The following HYDIN variants were observed in gnomAD, a reference collection of about 807,000 sequenced individuals.
HYDIN encodes HYDIN axonemal central pair apparatus protein.
In HYDIN, 132 loss-of-function variants were observed where a neutral mutation model predicts 403.9. The observed-to-expected ratio is 0.33, with a 90% CI of 0.28 to 0.38. The LOEUF is 0.38. Ranked by LOEUF, HYDIN falls within the 10% of genes least tolerant of loss-of-function variation. The probability of loss-of-function intolerance (pLI) is 1.00; values close to 1 mark genes in which losing one functional copy is unlikely to be tolerated. For synonymous variants in HYDIN, 1,202 were observed against 1,891.7 expected (o/e 0.64, Z 9.46); for missense variants, 2,827 against 5,009.5 (o/e 0.56, Z 13.15).
At chr16:71,154,924 T>C (rs1281771757) in intron 6 of HYDIN, among the ~76,000 whole-genome samples, 4 of 134,728 alleles carry the variant, frequency 3.0e-5, no homozygotes, top group African/African-American at 1.2e-4. Flanking sequence ...AAGGGGTTGA[T>C]ATAGGTCAAG....
At chr16:71,203,027 T>G (rs1385207617) in intron 1 of HYDIN, among the ~76,000 whole-genome samples, 1 of 152,218 alleles carries the variant, frequency 6.6e-6, no homozygotes, top group Non-Finnish European at 1.5e-5. Flanking sequence ...AGAGAAGTTA[T>G]TTCTTTGGGC....
At chr16:71,174,825 A>C (rs541153662) in intron 5 of HYDIN, among the ~76,000 whole-genome samples, 67 of 152,316 alleles carry the variant, frequency 4.4e-4, no homozygotes, top group South Asian at 8.3e-4. Context: ...GGGGGTGAGC[A>C]GGCCAGGCAG....
intron 23 of HYDIN, among the ~76,000 whole-genome samples, chr16:71,011,544 A>AAAACAAAC (rs145764086): frequency 7.2e-6 from 1 of 139,356 alleles, no homozygotes; most frequent in African/African-American, 2.8e-5. Context: ...CTGTCTCTAC[A>AAAACAAAC]AAACAAACAA....
chr16:71,062,593 G>C (rs2082129542), intron 16 of HYDIN: 1 of 347,556 alleles, frequency 2.9e-6, no homozygotes, highest in African/African-American at 2.1e-5. Flanking sequence ...CAGGGCAACA[G>C]CTTTCCACTT....
Position 70,891,657 on chromosome 16 carries a change from A to T in HYDIN, c.9645T>A (p.His3215Gln). The T allele has an allele frequency of 2.8e-6, 1 of 361,334 alleles. No individual in the cohort carries two copies. The highest frequency in any genetic ancestry group is 4.9e-6 in the Non-Finnish European group (1 of 204,816). 22.4% of individuals were successfully genotyped at this position (361,334 alleles called of 1,614,324 possible). A position where few individuals can be genotyped will look rare whatever the true frequency, so the allele number is the denominator to read the frequency against. The change falls in exon 57 of 86, where the codon CAT becomes CAA. Residue 3215 changes from histidine to glutamine, a missense_variant. By Grantham distance (24) the His-to-Gln change is conservative. Coordinates refer to ENST00000393567, the MANE Select transcript of HYDIN (RefSeq NM_001270974.2). ...AATATTTGTCTTACGCTTTCTTTTG[A>T]TGAATGGGGCTCTCCCCTGTCAGCT... Reference protein sequence around the residue: ...LYKLTGESPIHQKKAASHVRH... With the variant: ...LYKLTGESPIQQKKAASHVRH...
chr16:70,820,683 CTG>C (rs1010176235), intron 83 of HYDIN, among the ~76,000 whole-genome samples: 24 of 150,192 alleles, frequency 1.6e-4, no homozygotes, highest in Admixed American at 1.5e-3. Context: ...GAGTCTTACT[CTG>C]TCACCCAGGT....
intron 28 of HYDIN, among the ~76,000 whole-genome samples, chr16:70,981,809 G>C (rs1468177118): frequency 6.6e-6 from 1 of 151,980 alleles, no homozygotes; most frequent in Non-Finnish European, 1.5e-5. Context: ...AGAAGATAAG[G>C]AGAAAAGTCA....
At chr16:71,056,260 T>A (rs979862559) in intron 18 of HYDIN, among the ~76,000 whole-genome samples, 10 of 151,368 alleles carry the variant, frequency 6.6e-5, no homozygotes, top group African/African-American at 2.4e-4. Flanking sequence ...CAAAGGAGAG[T>A]CTACTGTTCC....
chr16:71,186,278 A>C (rs1318654733), intron 2 of HYDIN, among the ~76,000 whole-genome samples: 1 of 152,126 alleles, frequency 6.6e-6, no homozygotes, highest in African/African-American at 2.4e-5. Flanking sequence ...TAAAGCTATA[A>C]ATATGTTTTA....
chr16:71,019,909 T>C (rs1597563799), intron 22 of HYDIN, among the ~76,000 whole-genome samples: 2 of 152,422 alleles, frequency 1.3e-5, no homozygotes, highest in South Asian at 4.1e-4. Flanking sequence ...TTCCTAAGAT[T>C]AAAGGCTCTG....
intron 1 of HYDIN, among the ~76,000 whole-genome samples, chr16:71,220,215 C>A (rs1157286045): frequency 6.6e-6 from 1 of 152,138 alleles, no homozygotes; most frequent in African/African-American, 2.4e-5. Flanking sequence ...ACCTGATGAG[C>A]GTTTTCATGT....
intron 1 of HYDIN, among the ~76,000 whole-genome samples, chr16:71,194,587 G>A (rs2087600807): frequency 6.6e-6 from 1 of 152,162 alleles, no homozygotes; most frequent in Non-Finnish European, 1.5e-5. Context: ...AATAAAAAGA[G>A]TGAGCCTACT....
At chr16:71,152,285 C>A (rs2085567523) in intron 7 of HYDIN, among the ~76,000 whole-genome samples, 2 of 151,676 alleles carry the variant, frequency 1.3e-5, no homozygotes, top group African/African-American at 4.8e-5. Context: ...GCCAAAATAA[C>A]CATTTCCTAT....
At chr16:70,954,761 G>A (rs2078180740) in intron 40 of HYDIN, among the ~76,000 whole-genome samples, 1 of 152,100 alleles carries the variant, frequency 6.6e-6, no homozygotes, top group African/African-American at 2.4e-5. Context: ...GTGATTTTCT[G>A]ATCATTTTTC....
intron 23 of HYDIN, among the ~76,000 whole-genome samples, chr16:71,006,971 A>AC (rs2079907549): frequency 7.1e-6 from 1 of 140,868 alleles, no homozygotes; most frequent in African/African-American, 2.7e-5. Context: ...TCCTCACCCC[A>AC]CCCCTTTCTC....
At chr16:70,979,182 C>G in intron 29 of HYDIN, 141 bp from the exon 30 acceptor site, 3 of 1,092,428 alleles carry the variant, frequency 2.7e-6, no homozygotes, top group Non-Finnish European at 3.9e-6. Flanking sequence ...TTGTCTGCCC[C>G]GCTTTCCCTG....
At chr16:71,186,651 T>C in intron 2 of HYDIN, 110 bp downstream of exon 2, 1 of 826,158 alleles carries the variant, frequency 1.2e-6, no homozygotes. Context: ...TAAATTGATA[T>C]TAATCAGTCA....
At chr16:71,193,841 T>C (rs1486003247) in intron 1 of HYDIN, among the ~76,000 whole-genome samples, 1 of 152,158 alleles carries the variant, frequency 6.6e-6, no homozygotes, top group African/African-American at 2.4e-5. Context: ...AAAAAACTCA[T>C]TTCCTATACT....
intron 38 of HYDIN, among the ~76,000 whole-genome samples, chr16:70,961,039 T>G (rs1424831835): frequency 2.6e-5 from 4 of 152,188 alleles, no homozygotes; most frequent in African/African-American, 9.6e-5. Context: ...CTGTATGGCT[T>G]TGTCACAATT....
Sources: allele counts gnomAD v4.1 joint callset (sites outside exome capture counted in the v4.1 genomes callset), GRCh38; gene constraint gnomAD v4.1.1; transcripts MANE v1.5; gene names NCBI Gene and HGNC (gene_info 2026-07-23, HGNC 2026-07-21).